CHL1: variants seen among roughly 807,000 people sequenced by gnomAD.
The protein encoded by CHL1 is neural cell adhesion molecule L1-like protein.
Under a neutral mutation model 141.9 loss-of-function variants are expected in CHL1, and 96 were observed. That is an observed-to-expected ratio of 0.68 (90% confidence interval 0.57 to 0.80). The LOEUF is 0.80. Ranked by LOEUF, CHL1 falls within the 30% of genes least tolerant of loss-of-function variation. CHL1 has a pLI of 0.00. For missense variants in CHL1, 1,820 were observed against 1,457.2 expected (o/e 1.25, Z -4.05); for synonymous variants, 613 against 502.2 (o/e 1.22, Z -2.95).
At chr3:297,769 G>T (rs921643578) in intron 2 of CHL1, among the ~76,000 whole-genome samples, 5 of 152,166 alleles carry the variant, frequency 3.3e-5, no homozygotes, top group African/African-American at 9.7e-5. Flanking sequence ...TTCAAAGAGA[G>T]CTCCGTTCTT....
At chr3:398,029 T>A (rs527396172) in intron 24 of CHL1, among the ~76,000 whole-genome samples, 198 bp from the exon 25 acceptor site, 1 of 152,182 alleles carries the variant, frequency 6.6e-6, no homozygotes, top group East Asian at 1.9e-4. Flanking sequence ...ATGCATTGAG[T>A]TCATTTCATT....
intron 15 of CHL1, among the ~76,000 whole-genome samples, chr3:367,437 G>C (rs1324326295): frequency 6.6e-6 from 1 of 152,132 alleles, no homozygotes. Context: ...ACTTAGACAA[G>C]CTGCTTAACA....
rs775952586 is a variant in CHL1, at chr3:360,270, T to G, written c.1166-14T>G. The G allele has an allele frequency of 1.7e-5, 28 of 1,613,024 alleles. No individual in the cohort carries two copies. Among genetic ancestry groups the G allele is most frequent in the Non-Finnish European group, 2.2e-5 (26 of 1,179,514 alleles). On this transcript the variant is annotated splice_polypyrimidine_tract_variant and intron_variant, in intron 11 of 27. Coordinates refer to ENST00000256509, the MANE Select transcript of CHL1 (RefSeq NM_006614.4). ...CTGTTCCTTATCAAACTGACATTCT[T>G]TAATCTCTTTCAGATCATCCATTTG... is the stretch of plus-strand genomic sequence containing the variant.
chr3:248,026 A>G (rs1031219082), intron 2 of CHL1: 6 of 151,912 alleles, frequency 3.9e-5, no homozygotes, highest in African/African-American at 9.7e-5. Context: ...ATGGGCTGTT[A>G]TGTTCCTTTC....
At chr3:380,541 AT>A (rs1031527145) in intron 16 of CHL1, among the ~76,000 whole-genome samples, 6 of 152,268 alleles carry the variant, frequency 3.9e-5, no homozygotes, top group African/African-American at 1.4e-4. Flanking sequence ...AGAAATTTTC[AT>A]TTTCTTTAGT....
intron 10 of CHL1, among the ~76,000 whole-genome samples, chr3:350,937 T>G (rs983924609): frequency 3.9e-5 from 6 of 152,182 alleles, no homozygotes; most frequent in African/African-American, 1.4e-4. Context: ...CATTTGATGT[T>G]TCTATATAAT....
At chr3:346,327 G>A (rs1381585913) in intron 9 of CHL1, among the ~76,000 whole-genome samples, 4 of 152,192 alleles carry the variant, frequency 2.6e-5, no homozygotes, top group Admixed American at 6.5e-5. Flanking sequence ...TATTTTAGAA[G>A]AGGAAAGTCT....
intron 2 of CHL1, among the ~76,000 whole-genome samples, chr3:272,921 C>T (rs1201836844): frequency 6.6e-6 from 1 of 152,134 alleles, no homozygotes; most frequent in Admixed American, 6.5e-5. Context: ...AGGGAGATGA[C>T]AGACAGCAAA....
intron 2 of CHL1, among the ~76,000 whole-genome samples, chr3:288,332 T>C (rs1266569510): frequency 3.0e-5 from 4 of 135,444 alleles, no homozygotes; most frequent in Non-Finnish European, 6.4e-5. Context: ...GACAAACACA[T>C]GTCGAATTTA....
intron 15 of CHL1, among the ~76,000 whole-genome samples, chr3:375,843 G>A (rs976143429): frequency 6.6e-6 from 1 of 152,094 alleles, no homozygotes; most frequent in Non-Finnish European, 1.5e-5. Flanking sequence ...GAACTGAGCC[G>A]CAAACACAGG....
intron 1 of CHL1, among the ~76,000 whole-genome samples, chr3:222,849 G>A (rs540110127): frequency 4.6e-5 from 7 of 152,048 alleles, no homozygotes; most frequent in Non-Finnish European, 1.0e-4. Context: ...TACTTCCAGG[G>A]AATCATATTT....
In CHL1 at chr3:336,709, C is replaced by T. The variant is rs574824636; in HGVS notation, c.386-4085C>T. Among the ~76,000 whole-genome samples the T allele has an allele frequency of 6.6e-5, 10 of 152,312 alleles. 1 individual carries two copies. The South Asian group carries it at 1.7e-3, about 25-fold the overall frequency. On this transcript the variant is annotated intron_variant, in intron 5 of 27. Coordinates refer to ENST00000256509, the MANE Select transcript of CHL1 (RefSeq NM_006614.4). ...GTAGGATATCCTATAGATATAAATTCTGTTTTCAGAAGTCTTCTTTATTTC... is the reference window on the plus strand; with the variant it reads ...GTAGGATATCCTATAGATATAAATTTTGTTTTCAGAAGTCTTCTTTATTTC...
intron 16 of CHL1, among the ~76,000 whole-genome samples, chr3:381,613 A>G (rs1450601283): frequency 1.3e-5 from 2 of 152,228 alleles, no homozygotes; most frequent in African/African-American, 2.4e-5. Context: ...CTTACAGGTC[A>G]TAGGTGGATT....
intron 24 of CHL1, among the ~76,000 whole-genome samples, chr3:396,889 C>A (rs1708720169): frequency 1.3e-5 from 2 of 152,062 alleles, no homozygotes; most frequent in South Asian, 4.1e-4. Context: ...AGAGATACAT[C>A]TTGTTATCAG....
intron 15 of CHL1, 109 bp downstream of exon 15, chr3:366,224 A>G (rs1173278158): frequency 5.9e-6 from 6 of 1,014,794 alleles, no homozygotes; most frequent in Non-Finnish European, 8.8e-6. Context: ...TAATCCCAGC[A>G]CTTTGGGAGA....
chr3:341,784 A>G (rs1037901173), intron 6 of CHL1, 128 bp from the exon 7 acceptor site: 17 of 745,430 alleles, frequency 2.3e-5, no homozygotes, highest in Non-Finnish European at 1.9e-5. Context: ...GTAAGACCAG[A>G]CTTGAGAGGA....
At chr3:255,581 T>A (rs1465090788) in intron 2 of CHL1, among the ~76,000 whole-genome samples, 3 of 152,184 alleles carry the variant, frequency 2.0e-5, no homozygotes, top group Admixed American at 2.0e-4. Context: ...TAAGCATTTT[T>A]ATTCTATTTT....
At chr3:337,615 T>C (rs1702006979) in intron 5 of CHL1, among the ~76,000 whole-genome samples, 1 of 149,498 alleles carries the variant, frequency 6.7e-6, no homozygotes, top group African/African-American at 2.5e-5. Context: ...GAACATGCAA[T>C]GTTTGGTTTT....
intron 10 of CHL1, among the ~76,000 whole-genome samples, chr3:350,425 A>G (rs1345681613): frequency 2.6e-5 from 4 of 152,162 alleles, no homozygotes; most frequent in Admixed American, 2.6e-4. Flanking sequence ...TAATGGAATG[A>G]TGACTGCATT....
Sources: gnomAD v4.1 joint callset for allele counts (sites outside exome capture counted in the v4.1 genomes callset) on GRCh38, gnomAD v4.1.1 for gene constraint, MANE v1.5 for transcripts, NCBI Gene and HGNC (gene_info 2026-07-23, HGNC 2026-07-21) for gene names.